FRMPD1: variants seen among roughly 807,000 people sequenced by gnomAD.
The protein encoded by FRMPD1 is FERM and PDZ domain-containing protein 1.
FRMPD1 carries 76 observed loss-of-function variants against 117.8 expected under a neutral mutation model. That is an observed-to-expected ratio of 0.65 (90% confidence interval 0.54 to 0.78). FRMPD1 has a LOEUF of 0.78. Ranked by LOEUF, FRMPD1 falls within the 30% of genes least tolerant of loss-of-function variation. The pLI is 0.00. For missense variants in FRMPD1, 1,786 were observed against 1,964.5 expected (o/e 0.91, Z 1.72); for synonymous variants, 783 against 770.4 (o/e 1.02, Z -0.27).
rs575174016 is a variant in FRMPD1, at chr9:37,718,982, G to A, written c.409-87G>A. ...AATTGAATCTGCAACAGCTATCAAA[G>A]TTTCTGTTTTTAAGAAATGAGAAGA... On this transcript the variant is annotated intron_variant, in intron 5 of 15. Transcript: ENST00000377765. 3.3e-5 allele frequency: 26 copies of A among 781,940 alleles called. No individual in the cohort carries two copies. The East Asian group carries it at 6.3e-4, about 19-fold the overall frequency. The allele number at this position is 781,940 out of a possible 1,614,324, so 48.4% of individuals were successfully genotyped here.
chr9:37,724,157 G>A lies in FRMPD1; in HGVS notation c.517-68G>A, dbSNP rs535195946. On this transcript the variant is annotated intron_variant, in intron 6 of 15. Transcript: ENST00000377765. ...CCACTGTTCTCCAGCCTGGGTGACAGAGAGAGACCCTGTCTCCAGAAGGAA... is the reference window on the plus strand; with the variant it reads ...CCACTGTTCTCCAGCCTGGGTGACAAAGAGAGACCCTGTCTCCAGAAGGAA... 1.2e-4 allele frequency: 95 copies of A among 802,942 alleles called. No homozygotes were observed. In the African/African-American group the frequency reaches 1.5e-3, roughly 13 times the overall value. 49.7% of individuals were successfully genotyped at this position (802,942 alleles called of 1,614,324 possible). A position where few individuals can be genotyped will look rare whatever the true frequency, so the allele number is the denominator to read the frequency against.
chr9:37,690,364 T>C (rs1427525263), intron 1 of FRMPD1, among the ~76,000 whole-genome samples: 1 of 152,026 alleles, frequency 6.6e-6, no homozygotes, highest in Admixed American at 6.5e-5. Context: ...TATAATACTT[T>C]ATCTTTTTGA....
At chr9:37,681,791 C>T (rs892367123) in intron 1 of FRMPD1, among the ~76,000 whole-genome samples, 2 of 152,178 alleles carry the variant, frequency 1.3e-5, no homozygotes, top group African/African-American at 4.8e-5. Context: ...CTAGGCTCTG[C>T]AAGGATTGTA....
chr9:37,704,408 T>C (rs1464323884), intron 2 of FRMPD1, among the ~76,000 whole-genome samples: 1 of 152,184 alleles, frequency 6.6e-6, no homozygotes, highest in Non-Finnish European at 1.5e-5. Context: ...CACTTATTTT[T>C]TTCCTGTTTT....
chr9:37,697,314 A>C (rs10114949), intron 2 of FRMPD1, among the ~76,000 whole-genome samples: 104,022 of 152,016 alleles, frequency 0.68, 35,960 homozygotes, highest in East Asian at 0.94. Flanking sequence ...AAATAGCTAA[A>C]CTCGGCCAGG....
At chr9:37,730,085 A>T (rs1385278443) in intron 8 of FRMPD1, among the ~76,000 whole-genome samples, 2 of 152,222 alleles carry the variant, frequency 1.3e-5, no homozygotes, top group African/African-American at 4.8e-5. Context: ...CATTTTGCAG[A>T]TGTGGAGACA....
At chr9:37,621,247 C>T in the FRMPD1 span, among the ~76,000 whole-genome samples, 2 of 152,170 alleles carry the variant, frequency 1.3e-5, no homozygotes, top group African/African-American at 2.4e-5. Flanking sequence ...TGAATTGTAA[C>T]AGGGTGTTAG....
chr9:37,746,328 A>G lies in FRMPD1; in HGVS notation c.4296A>G (p.Leu1432=), dbSNP rs772946832. 1 of 1,612,758 alleles carries G rather than the reference A, an allele frequency of 6.2e-7. No homozygotes were observed. Among genetic ancestry groups the G allele is most frequent in the Non-Finnish European group, 8.5e-7 (1 of 1,179,754 alleles). ...FIQLMESLLE[L]QDILETSWGV... Reference sequence around the variant, plus strand: ...AACTCATGGAGAGCTTGCTGGAGCTACAAGACATTTTAGAAACTTCCTGGG... The same window carrying G: ...AACTCATGGAGAGCTTGCTGGAGCTGCAAGACATTTTAGAAACTTCCTGGG... Residue 1432 remains leucine, a synonymous_variant, in exon 16 of 16, where the codon CTA becomes CTG. Coordinates refer to ENST00000377765, the MANE Select transcript of FRMPD1 (RefSeq NM_014907.3).
chr9:37,616,807 G>A, the FRMPD1 span, among the ~76,000 whole-genome samples: 2 of 152,200 alleles, frequency 1.3e-5, no homozygotes, highest in Non-Finnish European at 2.9e-5. Flanking sequence ...TCAGGGCAGA[G>A]TTGGCAGGAG....
At chr9:37,677,473 G>T (rs561502918) in intron 1 of FRMPD1, among the ~76,000 whole-genome samples, 8 of 152,336 alleles carry the variant, frequency 5.3e-5, no homozygotes, top group Non-Finnish European at 8.8e-5. Context: ...CTTTCTTTGT[G>T]CCATGCATTC....
In FRMPD1 at chr9:37,745,754, C is replaced by A; in HGVS notation, c.3722C>A (p.Pro1241His). ...CATGTGACAGGGCAAGATATAGCCC[C>A]TAGGGACAGCCCTGAGTGGGTCTGT... ...PNHVTGQDIA[P>H]RDSPEWVCFN... The change falls in exon 16 of 16, where the codon CCT becomes CAT. Residue 1241 changes from proline (P) to histidine (H), a missense_variant. Coordinates refer to ENST00000377765, the MANE Select transcript of FRMPD1 (RefSeq NM_014907.3). The A allele has an allele frequency of 6.2e-7, 1 of 1,614,180 alleles. No individual in the cohort carries two copies. The highest frequency in any genetic ancestry group is 8.5e-7 in the Non-Finnish European group (1 of 1,180,032).
chr9:37,638,050 C>CCTTTCTTTCTTTT, the FRMPD1 span, among the ~76,000 whole-genome samples: 3,490 of 75,980 alleles, frequency 0.046, 785 homozygotes, highest in African/African-American at 0.15. Context: ...TTCTTTCTTT[C>CCTTTCTTTCTTTT]CTTTCTTTCT....
At chr9:37,604,464 C>T in the FRMPD1 span, among the ~76,000 whole-genome samples, 1 of 152,146 alleles carries the variant, frequency 6.6e-6, no homozygotes, top group South Asian at 2.1e-4. Context: ...GTGGAAACAC[C>T]CACTTTTGTC....
At chr9:37,638,092 G>A in the FRMPD1 span, among the ~76,000 whole-genome samples, 4 of 134,980 alleles carry the variant, frequency 3.0e-5, no homozygotes, top group Non-Finnish European at 4.6e-5. Flanking sequence ...CTTTTCTTTC[G>A]AGACGGAGTC....
chr9:37,612,662 T>C, the FRMPD1 span, among the ~76,000 whole-genome samples: 2 of 152,066 alleles, frequency 1.3e-5, no homozygotes, highest in Non-Finnish European at 2.9e-5. Context: ...GGGATAATTT[T>C]TGTATTTTTA....
At chr9:37,738,366 G>A (rs1824230253) in intron 14 of FRMPD1, among the ~76,000 whole-genome samples, 1 of 152,038 alleles carries the variant, frequency 6.6e-6, no homozygotes, top group South Asian at 2.1e-4. Context: ...TTTAGAGGCA[G>A]TCTCTCTCTG....
intron 1 of FRMPD1, among the ~76,000 whole-genome samples, chr9:37,669,149 T>C (rs931190993): frequency 6.6e-6 from 1 of 152,206 alleles, no homozygotes; most frequent in South Asian, 2.1e-4. Flanking sequence ...GAATTTAGCC[T>C]CTGAATTACA....
intron 5 of FRMPD1, among the ~76,000 whole-genome samples, chr9:37,712,375 G>A (rs1185783123): frequency 6.6e-6 from 1 of 152,134 alleles, no homozygotes; most frequent in African/African-American, 2.4e-5. Context: ...TTTTTCTTGA[G>A]ATGGAGTCTC....
the FRMPD1 span, among the ~76,000 whole-genome samples, chr9:37,623,270 T>C: frequency 6.6e-6 from 1 of 152,082 alleles, no homozygotes; most frequent in Non-Finnish European, 1.5e-5. Context: ...CAGCCTCTGG[T>C]TGGGAAAGGT....
Sources: allele counts gnomAD v4.1 joint callset (sites outside exome capture counted in the v4.1 genomes callset), GRCh38; gene constraint gnomAD v4.1.1; transcripts MANE v1.5; gene names NCBI Gene and HGNC (gene_info 2026-07-23, HGNC 2026-07-21).